Variants in KCNIP4 observed in about 807,000 individuals in gnomAD.
KCNIP4 encodes the protein Kv channel-interacting protein 4.
Under a neutral mutation model 34.0 loss-of-function variants are expected in KCNIP4, and 12 were observed. The observed-to-expected ratio is 0.35, with a 90% confidence interval of 0.23 to 0.57. The LOEUF is 0.57. Ranked by LOEUF, KCNIP4 falls within the 20% of genes least tolerant of loss-of-function variation. The pLI is 0.83. For synonymous variants in KCNIP4, 124 were observed against 102.2 expected (o/e 1.21, Z -1.29); for missense variants, 238 against 311.7 (o/e 0.76, Z 1.78).
intron 1 of KCNIP4, among the ~76,000 whole-genome samples, chr4:21,947,395 A>G (rs1321394629): frequency 1.3e-5 from 2 of 152,206 alleles, no homozygotes; most frequent in African/African-American, 2.4e-5. Context: ...TGATGTTCAT[A>G]TTATTTTTTC....
At chr4:21,275,589 C>G (rs1189634521) in intron 1 of KCNIP4, among the ~76,000 whole-genome samples, 1 of 152,142 alleles carries the variant, frequency 6.6e-6, no homozygotes, top group African/African-American at 2.4e-5. Context: ...TATGAGAAAG[C>G]CTAGTGCAAT....
chr4:21,785,294 A>G (rs1166911998), intron 1 of KCNIP4, among the ~76,000 whole-genome samples: 2 of 145,360 alleles, frequency 1.4e-5, no homozygotes, highest in African/African-American at 5.1e-5. Context: ...TATCACTTCG[A>G]AAAAAAAAAA....
intron 1 of KCNIP4, among the ~76,000 whole-genome samples, chr4:21,201,837 A>G (rs550872185): frequency 6.6e-6 from 1 of 152,320 alleles, no homozygotes; most frequent in East Asian, 1.9e-4. Flanking sequence ...CTATTTCCTC[A>G]TTATCCTTCA....
intron 1 of KCNIP4, among the ~76,000 whole-genome samples, chr4:21,769,158 C>T (rs1325347885): frequency 1.4e-5 from 2 of 146,236 alleles, no homozygotes; most frequent in Non-Finnish European, 2.9e-5. Context: ...CTGTCATCAA[C>T]TCCTCCTTTT....
chr4:21,046,974 G>A (rs532722591), intron 1 of KCNIP4, among the ~76,000 whole-genome samples: 1 of 152,310 alleles, frequency 6.6e-6, no homozygotes, highest in Non-Finnish European at 1.5e-5. Context: ...TATACAGAAT[G>A]AGCCTACAGG....
intron 2 of KCNIP4, among the ~76,000 whole-genome samples, chr4:20,869,146 T>C (rs1240810007): frequency 6.6e-6 from 1 of 152,102 alleles, no homozygotes; most frequent in Non-Finnish European, 1.5e-5. Flanking sequence ...ATAGTTATAA[T>C]AAATTTTTGC....
intron 5 of KCNIP4, among the ~76,000 whole-genome samples, chr4:20,735,533 T>TTG (rs1749403660): frequency 2.7e-5 from 1 of 37,234 alleles, no homozygotes; most frequent in Admixed American, 2.2e-4. Flanking sequence ...TTTTTTTGTT[T>TTG]TTTTTTTTTT....
chr4:21,758,760 C>T (rs962083939), intron 1 of KCNIP4, among the ~76,000 whole-genome samples: 1 of 152,058 alleles, frequency 6.6e-6, no homozygotes, highest in African/African-American at 2.4e-5. Flanking sequence ...CTGCTTCTGC[C>T]AGAGTCTGTG....
At chr4:21,737,907 A>T (rs1316235055) in intron 1 of KCNIP4, among the ~76,000 whole-genome samples, 1 of 151,514 alleles carries the variant, frequency 6.6e-6, no homozygotes, top group Non-Finnish European at 1.5e-5. Flanking sequence ...ATATGGTGAA[A>T]CCCTGTCTCT....
intron 3 of KCNIP4, among the ~76,000 whole-genome samples, chr4:20,801,160 C>G (rs913235932): frequency 1.3e-5 from 2 of 152,010 alleles, no homozygotes; most frequent in African/African-American, 2.4e-5. Flanking sequence ...AACCTTTCAG[C>G]TATGGCTGTT....
intron 2 of KCNIP4, among the ~76,000 whole-genome samples, chr4:20,862,206 G>C (rs529881794): frequency 6.6e-6 from 1 of 151,978 alleles, no homozygotes; most frequent in African/African-American, 2.4e-5. Context: ...GGCCAGGCTG[G>C]TCTCAAACTC....
At chr4:21,200,663 A>G (rs890887813) in intron 1 of KCNIP4, among the ~76,000 whole-genome samples, 6 of 151,968 alleles carry the variant, frequency 3.9e-5, no homozygotes, top group Non-Finnish European at 7.4e-5. Context: ...GTGGTTAAGG[A>G]AAGAAAAATT....
intron 1 of KCNIP4, among the ~76,000 whole-genome samples, chr4:21,288,296 G>C (rs1037316265): frequency 2.0e-5 from 3 of 152,002 alleles, no homozygotes. Context: ...ATTTTTCTGT[G>C]ATGCTTTAAT....
At chr4:21,789,664 CAA>C (rs1720148779) in intron 1 of KCNIP4, among the ~76,000 whole-genome samples, 1 of 152,034 alleles carries the variant, frequency 6.6e-6, no homozygotes, top group Admixed American at 6.5e-5. Flanking sequence ...TCAAGACATT[CAA>C]AGTTTCTTAT....
chr4:21,394,982 A>C (rs1722866409), intron 1 of KCNIP4, among the ~76,000 whole-genome samples: 1 of 152,060 alleles, frequency 6.6e-6, no homozygotes, highest in Non-Finnish European at 1.5e-5. Flanking sequence ...AGACTAAGCC[A>C]CAATCCTTAT....
Position 21,870,380 on chromosome 4 carries a change from G to A in KCNIP4, c.61+78191C>T, listed in dbSNP as rs146893956. 2.2e-3 allele frequency among the ~76,000 whole-genome samples: 330 copies of A among 152,254 alleles called. 2 individuals are homozygous for A. The highest frequency in any genetic ancestry group is 4.0e-3 in the Non-Finnish European group (271 of 68,022). On this transcript the variant is annotated intron_variant, in intron 1 of 8. Coordinates refer to ENST00000382152, the MANE Select transcript of KCNIP4 (RefSeq NM_025221.6). Reference sequence around the variant, plus strand: ...CTTGTGGGGGCTAGGGATTTCTCTAGGGTCCCGTATGCACAACTAGACTCA... The same window carrying A: ...CTTGTGGGGGCTAGGGATTTCTCTAAGGTCCCGTATGCACAACTAGACTCA...
rs1041795444 is a variant in KCNIP4, at chr4:21,935,038, A to T, written c.61+13533T>A. Among the ~76,000 whole-genome samples, 3 of 151,922 alleles carry T rather than the reference A, an allele frequency of 2.0e-5. No homozygotes were observed. The South Asian group carries it at 6.2e-4, about 32-fold the overall frequency. On this transcript the variant is annotated intron_variant, in intron 1 of 8. Transcript: ENST00000382152. ...CTGAATAATATCCTCCCATCACCATAAGCAAAGGCCTTCATCAGTTACCCC... is the reference window on the plus strand; with the variant it reads ...CTGAATAATATCCTCCCATCACCATTAGCAAAGGCCTTCATCAGTTACCCC...
chr4:21,714,686 T>G (rs908673324), intron 1 of KCNIP4, among the ~76,000 whole-genome samples: 2 of 152,014 alleles, frequency 1.3e-5, no homozygotes, highest in Non-Finnish European at 2.9e-5. Flanking sequence ...ACACATTTGC[T>G]CTAAGATAAA....
intron 1 of KCNIP4, among the ~76,000 whole-genome samples, chr4:20,939,225 G>A (rs1731385974): frequency 6.6e-6 from 1 of 151,908 alleles, no homozygotes; most frequent in Admixed American, 6.6e-5. Flanking sequence ...AGGTTTCCTG[G>A]AGCTATTGCT....
Sources: gnomAD v4.1 joint callset for allele counts (sites outside exome capture counted in the v4.1 genomes callset) on GRCh38, gnomAD v4.1.1 for gene constraint, MANE v1.5 for transcripts, NCBI Gene and HGNC (gene_info 2026-07-23, HGNC 2026-07-21) for gene names.